Variants in SORCS3 observed in about 807,000 individuals in gnomAD.
SORCS3 encodes the protein sortilin related VPS10 domain containing receptor 3, also known as VPS10 domain-containing receptor SorCS3.
SORCS3 carries 57 observed loss-of-function variants against 146.3 expected under a neutral mutation model. The ratio of observed to expected loss-of-function variants is 0.39; its 90% CI spans 0.31 to 0.49. The LOEUF is 0.49. Ranked by LOEUF, SORCS3 falls within the 20% of genes least tolerant of loss-of-function variation. The pLI is 0.92. For missense variants in SORCS3, 1,341 were observed against 1,575.5 expected (o/e 0.85, Z 2.52); for synonymous variants, 653 against 618.5 (o/e 1.06, Z -0.83).
intron 4 of SORCS3, among the ~76,000 whole-genome samples, chr10:105,014,100 T>C (rs1324722005): frequency 7.1e-6 from 1 of 140,428 alleles, no homozygotes. Flanking sequence ...TATATATACA[T>C]ATATATATAC....
intron 1 of SORCS3, among the ~76,000 whole-genome samples, chr10:104,803,528 A>G (rs2017647836): frequency 6.6e-6 from 1 of 152,120 alleles, no homozygotes; most frequent in Non-Finnish European, 1.5e-5. Flanking sequence ...TTTTCACATA[A>G]CTTTCCCTTA....
chr10:105,183,773 G>A lies in SORCS3; in HGVS notation c.2009+5600G>A, dbSNP rs548822520. On this transcript the variant is annotated intron_variant, in intron 14 of 26. Coordinates refer to ENST00000369701, the MANE Select transcript of SORCS3 (RefSeq NM_014978.3). ...GAACACAAAAGCAGAATCCATGCCTGCAGAGGGGGTATTGGATGATGGTAG... is the reference window on the plus strand; with the variant it reads ...GAACACAAAAGCAGAATCCATGCCTACAGAGGGGGTATTGGATGATGGTAG... Among the ~76,000 whole-genome samples, 6 of 152,302 alleles carry A rather than the reference G, an allele frequency of 3.9e-5. No homozygotes were observed. The East Asian group carries it at 9.7e-4, about 25-fold the overall frequency.
chr10:105,247,123 T>A, intron 21 of SORCS3, 96 bp from the exon 22 acceptor site: 2 of 553,438 alleles, frequency 3.6e-6, no homozygotes, highest in Non-Finnish European at 6.3e-6. Context: ...GAGTAGACCT[T>A]TTACCAAAAG....
At chr10:105,173,124 C>T (rs562296262) in intron 13 of SORCS3, among the ~76,000 whole-genome samples, 2 of 152,218 alleles carry the variant, frequency 1.3e-5, no homozygotes, top group South Asian at 2.1e-4. Flanking sequence ...TCAATCTTGA[C>T]ATGGACCAAA....
Position 104,687,656 on chromosome 10 carries a change from G to A in SORCS3, c.627+45702G>A, listed in dbSNP as rs149706217. ...GAAGCCCCCAGGTTTCAAGCTGAAG[G>A]GCAATAATTTGAGCATGAGAACTCT... On this transcript the variant is annotated intron_variant, in intron 1 of 26. Coordinates refer to ENST00000369701, the MANE Select transcript of SORCS3 (RefSeq NM_014978.3). 3.8e-3 allele frequency among the ~76,000 whole-genome samples: 572 copies of A among 152,170 alleles called. 4 individuals are homozygous for A. Among genetic ancestry groups the A allele is most frequent in the African/African-American group, 0.013 (541 of 41,516 alleles).
intron 20 of SORCS3, 118 bp from the exon 21 acceptor site, chr10:105,245,424 T>G: frequency 6.0e-6 from 7 of 1,158,278 alleles, no homozygotes; most frequent in Non-Finnish European, 7.4e-6. Context: ...GGTATAACGT[T>G]TGTTTGTTTG....
At chr10:105,151,728 A>G (rs1240175164) in intron 9 of SORCS3, among the ~76,000 whole-genome samples, 1 of 152,156 alleles carries the variant, frequency 6.6e-6, no homozygotes, top group Non-Finnish European at 1.5e-5. Flanking sequence ...ACTCCCCAAA[A>G]TCTAACAAGG....
rs115286368 is a variant in SORCS3 at position 104,815,380 on chromosome 10, C to T, written c.628-27412C>T. Among the ~76,000 whole-genome samples, 1,033 of 132,254 alleles carry T rather than the reference C, an allele frequency of 7.8e-3. 13 individuals carry two copies. The highest frequency in any genetic ancestry group is 0.029 in the African/African-American group (1,008 of 34,544). 86.8% of individuals were successfully genotyped at this position (132,254 alleles called of 152,430 possible). On this transcript the variant is annotated intron_variant, in intron 1 of 26. Coordinates refer to ENST00000369701, the MANE Select transcript of SORCS3 (RefSeq NM_014978.3). ...GGTGGGATCACTTGAGCCCAGGAGA[C>T]GAAGGTGGCAGTGAGCCGAGATCAC...
At chr10:104,881,706 G>A (rs540500272) in intron 2 of SORCS3, among the ~76,000 whole-genome samples, 2 of 152,184 alleles carry the variant, frequency 1.3e-5, no homozygotes, top group South Asian at 2.1e-4. Context: ...TTTGATCTAC[G>A]GATGATTGAA....
intron 13 of SORCS3, among the ~76,000 whole-genome samples, chr10:105,173,622 C>A (rs1201304519): frequency 2.0e-5 from 3 of 152,118 alleles, no homozygotes; most frequent in Non-Finnish European, 4.4e-5. Flanking sequence ...GTTGACAATC[C>A]GTTTATCACA....
At chr10:104,777,448 G>A (rs996461082) in intron 1 of SORCS3, among the ~76,000 whole-genome samples, 1 of 152,224 alleles carries the variant, frequency 6.6e-6, no homozygotes, top group Non-Finnish European at 1.5e-5. Context: ...AGGGGTGTGA[G>A]CAGAGCAAAG....
chr10:105,192,730 G>A (rs943923164), intron 14 of SORCS3, among the ~76,000 whole-genome samples: 4 of 152,108 alleles, frequency 2.6e-5, no homozygotes, highest in Non-Finnish European at 4.4e-5. Context: ...CCTTTTCGAC[G>A]TTTTTTAGTG....
At chr10:104,832,485 A>T (rs1404377469) in intron 1 of SORCS3, among the ~76,000 whole-genome samples, 1 of 152,168 alleles carries the variant, frequency 6.6e-6, no homozygotes, top group African/African-American at 2.4e-5. Context: ...TGGGAGGCCA[A>T]GGTGGGCGGA....
intron 7 of SORCS3, among the ~76,000 whole-genome samples, chr10:105,135,275 G>C (rs1003996308): frequency 6.6e-6 from 1 of 152,100 alleles, no homozygotes; most frequent in Non-Finnish European, 1.5e-5. Flanking sequence ...GGCGATCAGA[G>C]ACTTGAGGTA....
chr10:104,759,787 A>C (rs1334044871), intron 1 of SORCS3, among the ~76,000 whole-genome samples: 1 of 152,054 alleles, frequency 6.6e-6, no homozygotes, highest in Admixed American at 6.6e-5. Context: ...TGTTCTGTCG[A>C]GGATCTGTCA....
intron 2 of SORCS3, among the ~76,000 whole-genome samples, chr10:104,845,619 C>T (rs754454037): frequency 5.3e-5 from 8 of 151,936 alleles, no homozygotes; most frequent in South Asian, 2.1e-4. Flanking sequence ...AGACACCAAG[C>T]GGGTGTAGTC....
rs76879958 is a variant in SORCS3, at chr10:104,871,904, C to T, written c.695+29045C>T. ...CTGCTGAGAGGACTCAGTTTTACCC[C>T]TTTGCGTCTTATTTCTGGTGGTAGT... On this transcript the variant is annotated intron_variant, in intron 2 of 26. Transcript: ENST00000369701. Among the ~76,000 whole-genome samples, 823 of 152,202 alleles carry T rather than the reference C, an allele frequency of 5.4e-3. 2 individuals carry two copies. The highest frequency in any genetic ancestry group is 8.9e-3 in the Non-Finnish European group (604 of 68,018).
At chr10:104,794,084 C>T (rs984164065) in intron 1 of SORCS3, among the ~76,000 whole-genome samples, 4 of 152,120 alleles carry the variant, frequency 2.6e-5, no homozygotes, top group Admixed American at 2.0e-4. Flanking sequence ...AGAGGAAAGT[C>T]GCAGGCGGCT....
intron 5 of SORCS3, among the ~76,000 whole-genome samples, chr10:105,059,646 C>G (rs1449351228): frequency 6.6e-6 from 1 of 152,200 alleles, no homozygotes; most frequent in Non-Finnish European, 1.5e-5. Context: ...CCATGGGACT[C>G]TCAGTGTTTT....
Sources: gnomAD v4.1 joint callset for allele counts (sites outside exome capture counted in the v4.1 genomes callset) on GRCh38, gnomAD v4.1.1 for gene constraint, MANE v1.5 for transcripts, NCBI Gene and HGNC (gene_info 2026-07-23, HGNC 2026-07-21) for gene names.